Variants in C2orf76 observed in about 807,000 individuals in gnomAD.
The protein encoded by C2orf76 is UPF0538 protein C2orf76.
In C2orf76, 23 loss-of-function variants were observed where a neutral mutation model predicts 16.9. The ratio of observed to expected loss-of-function variants is 1.36; its 90% CI spans 0.98 to 1.93. The LOEUF (loss-of-function observed/expected upper bound fraction) is 1.93, where lower values mean the gene tolerates loss of function less well. C2orf76 is among the 30% of genes most tolerant of loss of function. C2orf76 has a pLI of 0.00. For synonymous variants in C2orf76, 48 were observed against 52.3 expected, an observed-to-expected ratio of 0.92 and a Z score of 0.35; for missense variants, 152 against 152.6, an observed-to-expected ratio of 1.00 and a Z score of 0.02.
chr2:119,323,272 C>T (rs566955252), intron 2 of C2orf76, among the ~76,000 whole-genome samples: 4 of 151,902 alleles, frequency 2.6e-5, no homozygotes, highest in Admixed American at 6.6e-5. Context: ...CCTCTCACCT[C>T]GCCCCGAAAG....
intron 4 of C2orf76, among the ~76,000 whole-genome samples, chr2:119,317,227 AC>A (rs1485033955): frequency 2.0e-5 from 3 of 152,182 alleles, no homozygotes; most frequent in Non-Finnish European, 4.4e-5. Flanking sequence ...TGCTTGATAA[AC>A]AAAATATGGT....
chr2:119,355,071 T>A (rs1228128926), intron 1 of C2orf76, among the ~76,000 whole-genome samples: 1 of 152,234 alleles, frequency 6.6e-6, no homozygotes, highest in Non-Finnish European at 1.5e-5. Flanking sequence ...TAATTCGTTT[T>A]CTCTGCTCAA....
At chr2:119,344,564 TA>T (rs1193657245) in intron 1 of C2orf76, among the ~76,000 whole-genome samples, 3 of 151,910 alleles carry the variant, frequency 2.0e-5, no homozygotes, top group Non-Finnish European at 4.4e-5. Context: ...CCAATCAAAA[TA>T]AAAAAGAGCT....
intron 2 of C2orf76, among the ~76,000 whole-genome samples, chr2:119,329,804 CA>C (rs1238205204): frequency 6.6e-6 from 1 of 152,076 alleles, no homozygotes; most frequent in Non-Finnish European, 1.5e-5. Context: ...CCACAAAACC[CA>C]CAATACGTTG....
chr2:119,304,453 T>C (rs1678713950), intron 5 of C2orf76, among the ~76,000 whole-genome samples: 1 of 152,228 alleles, frequency 6.6e-6, no homozygotes, highest in Non-Finnish European at 1.5e-5. Flanking sequence ...AGCAAGGAGT[T>C]CTGTTTTGAC....
intron 1 of C2orf76, among the ~76,000 whole-genome samples, chr2:119,365,565 G>A (rs533948173): frequency 9.2e-4 from 140 of 152,174 alleles, no homozygotes; most frequent in Non-Finnish European, 1.6e-3. Flanking sequence ...CTGGGGAGGG[G>A]GAAGGTGTAG....
At chr2:119,352,778 T>A (rs1680444449) in intron 1 of C2orf76, among the ~76,000 whole-genome samples, 3 of 152,212 alleles carry the variant, frequency 2.0e-5, no homozygotes, top group Admixed American at 2.0e-4. Context: ...CCAGATTCTC[T>A]CTCTCATTAT....
At chr2:119,341,558 T>C (rs1573665034) in intron 1 of C2orf76, among the ~76,000 whole-genome samples, 1 of 152,346 alleles carries the variant, frequency 6.6e-6, no homozygotes, top group East Asian at 1.9e-4. Flanking sequence ...TTTTCATTTA[T>C]CTATGTTGAA....
chr2:119,339,877 C>T lies in C2orf76; in HGVS notation c.83G>A (p.Gly28Glu), dbSNP rs752780016. The change falls in exon 2 of 6, where the codon GGA (glycine) becomes GAA (glutamate). Residue 28 changes from glycine (G) to glutamate (E), a missense_variant. Coordinates refer to ENST00000334816, the MANE Select transcript of C2orf76 (RefSeq NM_001322331.2). ...HRNFKPVVYH[G>E]VNLDQTVKEF... ...CTTTACAGTTTGGTCCAAATTCACTCCGTGATACACTACAGGTTTGAAATT... is the reference window on the plus strand; with the variant it reads ...CTTTACAGTTTGGTCCAAATTCACTTCGTGATACACTACAGGTTTGAAATT... 40 of 1,612,004 alleles carry T rather than the reference C, an allele frequency of 2.5e-5. No individual in the cohort carries two copies. The highest frequency in any genetic ancestry group is 2.9e-5 in the Non-Finnish European group (34 of 1,178,260).
chr2:119,281,824 T>C, the C2orf76 span, among the ~76,000 whole-genome samples: 1 of 152,236 alleles, frequency 6.6e-6, no homozygotes, highest in South Asian at 2.1e-4. Flanking sequence ...TTAAGGACGT[T>C]GCCATCACCA....
the C2orf76 span, among the ~76,000 whole-genome samples, chr2:119,295,806 G>A: frequency 6.6e-6 from 1 of 152,114 alleles, no homozygotes; most frequent in Admixed American, 6.5e-5. Context: ...CATGGCCTAC[G>A]AATGACATTA....
At chr2:119,312,015 T>C (rs113894101) in intron 4 of C2orf76, among the ~76,000 whole-genome samples, 10 of 152,206 alleles carry the variant, frequency 6.6e-5, no homozygotes, top group African/African-American at 1.9e-4. Flanking sequence ...GATTTCCTCA[T>C]TGGTAGAAAA....
At chr2:119,351,593 A>G (rs937437189) in intron 1 of C2orf76, among the ~76,000 whole-genome samples, 2 of 152,128 alleles carry the variant, frequency 1.3e-5, no homozygotes, top group Admixed American at 6.5e-5. Context: ...TCTACAAAAA[A>G]AAATACCAAA....
the C2orf76 span, among the ~76,000 whole-genome samples, chr2:119,286,178 A>T: frequency 2.0e-5 from 3 of 147,064 alleles, no homozygotes; most frequent in Non-Finnish European, 4.5e-5. Flanking sequence ...GTGAGCCAAG[A>T]TCATGCCGCC....
the C2orf76 span, among the ~76,000 whole-genome samples, chr2:119,290,062 G>A: frequency 6.6e-6 from 1 of 151,926 alleles, no homozygotes; most frequent in Non-Finnish European, 1.5e-5. Flanking sequence ...AGGGAAGAGG[G>A]ACATTCCCTC....
intron 2 of C2orf76, among the ~76,000 whole-genome samples, chr2:119,327,567 T>C (rs1191131647): frequency 1.3e-5 from 2 of 152,056 alleles, no homozygotes; most frequent in African/African-American, 4.8e-5. Context: ...CCTCCTCTAT[T>C]AGTTCACGTG....
At position 119,302,523 on chromosome 2, in the gene C2orf76, G is replaced by A; in HGVS notation, c.330C>T (p.Phe110=). Residue 110 remains phenylalanine, a synonymous_variant, in exon 6 of 6, where the codon TTC becomes TTT. Coordinates refer to ENST00000334816, the MANE Select transcript of C2orf76 (RefSeq NM_001322331.2). ...GIASETEIAF[F]CEEDYKNYKA... ...TGTAGTTCTTATAATCTTCTTCACAGAAGAATGCAATTTCAGTTTCACTGG... is the reference window on the plus strand; with the variant it reads ...TGTAGTTCTTATAATCTTCTTCACAAAAGAATGCAATTTCAGTTTCACTGG... 1 of 1,498,520 alleles carries A rather than the reference G, an allele frequency of 6.7e-7. No homozygotes were observed. Among genetic ancestry groups the A allele is most frequent in the Non-Finnish European group, 9.0e-7 (1 of 1,108,030 alleles). 92.8% of individuals were successfully genotyped at this position (1,498,520 alleles called of 1,614,324 possible).
Position 119,302,548 on chromosome 2 carries a change from G to A in C2orf76, c.305C>T (p.Ala102Val). Residue 102 changes from alanine (A) to valine (V), a missense_variant and splice_region_variant, in exon 6 of 6, where the codon GCC becomes GTC. Ala to Val is a moderately conservative substitution (Grantham distance 64). Transcript: ENST00000334816. ...GAAGAATGCAATTTCAGTTTCACTG[G>A]CTGAAAAAAAACAGAAAATGGAAAA... The part of the protein sequence containing the change: ...EDSTLKAAGI[A>V]SETEIAFFCE... 1.4e-6 allele frequency: 2 copies of A among 1,478,294 alleles called. No homozygotes were observed. Among genetic ancestry groups the A allele is most frequent in the Non-Finnish European group, 1.8e-6 (2 of 1,094,360 alleles). The allele number at this position is 1,478,294 out of a possible 1,614,324, so 91.6% of individuals were successfully genotyped here. A position where few individuals can be genotyped will look rare whatever the true frequency, so the allele number is the denominator to read the frequency against.
At chr2:119,337,597 C>A (rs998791974) in intron 2 of C2orf76, among the ~76,000 whole-genome samples, 11 of 152,166 alleles carry the variant, frequency 7.2e-5, no homozygotes, top group African/African-American at 2.7e-4. Context: ...AAAGGCAAAT[C>A]TGTGGCCCAC....
Sources: gnomAD v4.1 joint callset for allele counts (sites outside exome capture counted in the v4.1 genomes callset) on GRCh38, gnomAD v4.1.1 for gene constraint, MANE v1.5 for transcripts, NCBI Gene and HGNC (gene_info 2026-07-23, HGNC 2026-07-21) for gene names.